The following CPVL variants were observed in gnomAD, a reference collection of about 807,000 sequenced individuals.
CPVL encodes probable serine carboxypeptidase CPVL.
In CPVL, 51 loss-of-function variants were observed where a neutral mutation model predicts 63.7. That is an observed-to-expected ratio of 0.80 (90% CI 0.64 to 1.01). The LOEUF is 1.01. CPVL is among the 50% of genes least tolerant of loss of function. CPVL has a pLI of 0.00. For missense variants in CPVL, 530 were observed against 573.1 expected, an observed-to-expected ratio of 0.92 and a Z score of 0.77; for synonymous variants, 195 against 206.0, an observed-to-expected ratio of 0.95 and a Z score of 0.46.
At chr7:29,061,286 G>C (rs529711839) in intron 11 of CPVL, among the ~76,000 whole-genome samples, 2 of 152,110 alleles carry the variant, frequency 1.3e-5, no homozygotes, top group Non-Finnish European at 2.9e-5. Context: ...GGTGGCATGT[G>C]CCTGTAATCT....
In CPVL at chr7:29,006,224, A is replaced by G. The variant is rs114282542; in HGVS notation, c.1321-10342T>C. Reference sequence around the variant, plus strand: ...TGCGTGAGAGTATTTACACTATGGAAATTGGCAAATACTACAAATCAGTGC... The same window carrying G: ...TGCGTGAGAGTATTTACACTATGGAGATTGGCAAATACTACAAATCAGTGC... On this transcript the variant is annotated intron_variant, in intron 12 of 12. Coordinates refer to ENST00000265394, the MANE Select transcript of CPVL (RefSeq NM_031311.5). Among the ~76,000 whole-genome samples, 1,281 of 152,296 alleles carry G rather than the reference A, an allele frequency of 8.4e-3. 18 individuals are homozygous for G. The highest frequency in any genetic ancestry group is 0.029 in the African/African-American group (1,226 of 41,570).
intron 1 of CPVL, among the ~76,000 whole-genome samples, chr7:29,141,637 C>T (rs1791891088): frequency 6.6e-6 from 1 of 152,064 alleles, no homozygotes; most frequent in Non-Finnish European, 1.5e-5. Flanking sequence ...TGTACCTTGG[C>T]CGGGCGTTGT....
At chr7:29,057,990 T>C (rs1328749435) in intron 11 of CPVL, among the ~76,000 whole-genome samples, 1 of 152,162 alleles carries the variant, frequency 6.6e-6, no homozygotes, top group Non-Finnish European at 1.5e-5. Context: ...TTGTTCAATG[T>C]TGTGTTGGTT....
At chr7:29,090,296 G>A (rs182907527) in intron 6 of CPVL, among the ~76,000 whole-genome samples, 85 of 152,306 alleles carry the variant, frequency 5.6e-4, no homozygotes, top group South Asian at 1.0e-3. Flanking sequence ...GTTGGAACCC[G>A]TGAAGGGAGC....
At chr7:29,139,962 C>G (rs1791679285) in intron 1 of CPVL, among the ~76,000 whole-genome samples, 1 of 152,200 alleles carries the variant, frequency 6.6e-6, no homozygotes, top group African/African-American at 2.4e-5. Flanking sequence ...CCCCTTTTGT[C>G]AAATACAGGG....
intron 7 of CPVL, among the ~76,000 whole-genome samples, chr7:29,083,774 C>A (rs189412211): frequency 1.3e-5 from 2 of 152,258 alleles, no homozygotes; most frequent in Non-Finnish European, 2.9e-5. Context: ...TCACTTGCAA[C>A]CAAGAGCCTT....
intron 1 of CPVL, chr7:29,122,277 C>T (rs979429572): frequency 6.6e-6 from 1 of 152,166 alleles, no homozygotes; most frequent in African/African-American, 2.4e-5. Context: ...GCAGCACGGG[C>T]CAGTGGGAAT....
intron 11 of CPVL, among the ~76,000 whole-genome samples, chr7:29,050,647 T>C (rs317733): frequency 0.073 from 11,095 of 152,116 alleles, 456 homozygotes; most frequent in South Asian, 0.12. Context: ...AGAATCAACA[T>C]TGTGAAAATG....
chr7:29,170,922 C>G (rs995515928), intron 5 of CPVL, among the ~76,000 whole-genome samples: 2 of 152,128 alleles, frequency 1.3e-5, no homozygotes, highest in Admixed American at 1.3e-4. Flanking sequence ...TACTCACTAT[C>G]ACAAGAAAAA....
chr7:29,039,355 A>G (rs895089856), intron 11 of CPVL, among the ~76,000 whole-genome samples: 1 of 152,220 alleles, frequency 6.6e-6, no homozygotes, highest in African/African-American at 2.4e-5. Context: ...AATTTAAGGC[A>G]GATATAAAGC....
intron 2 of CPVL, 25 bp from the exon 3 acceptor site, chr7:29,112,847 C>A: frequency 6.8e-7 from 1 of 1,476,726 alleles, no homozygotes; most frequent in Non-Finnish European, 9.5e-7. Context: ...AAAATTTACC[C>A]AAGGATTACA....
At chr7:29,128,920 A>G (rs1790379906) in intron 1 of CPVL, among the ~76,000 whole-genome samples, 1 of 152,072 alleles carries the variant, frequency 6.6e-6, no homozygotes, top group Non-Finnish European at 1.5e-5. Context: ...CACAGTCAAT[A>G]GGGGAGGGAG....
rs532465393 is a variant in CPVL, at chr7:29,063,460, T to A, written c.1137+601A>T. ...TCTGGCTCTTACACACGGCCAGTCA[T>A]CTTTTTGGCTCTGCAACTCTTCCTT... On this transcript the variant is annotated intron_variant, in intron 11 of 12. Transcript: ENST00000265394. Among the ~76,000 whole-genome samples the A allele has an allele frequency of 3.0e-4, 45 of 152,352 alleles. No homozygotes were observed. The South Asian group carries it at 9.1e-3, about 31-fold the overall frequency.
intron 5 of CPVL, among the ~76,000 whole-genome samples, chr7:29,161,672 A>C (rs927014724): frequency 6.6e-6 from 1 of 152,216 alleles, no homozygotes; most frequent in Non-Finnish European, 1.5e-5. Flanking sequence ...ATCCATTTGA[A>C]TTTAAAAATA....
chr7:29,095,194 C>G, intron 4 of CPVL, 52 bp from the exon 5 acceptor site: 4 of 1,510,462 alleles, frequency 2.6e-6, no homozygotes, highest in Non-Finnish European at 3.7e-6. Context: ...AGCATTCCAC[C>G]GAGGCCTCAT....
intron 2 of CPVL, 107 bp downstream of exon 2, chr7:29,120,786 C>T (rs992652429): frequency 9.0e-5 from 100 of 1,116,656 alleles, no homozygotes; most frequent in Non-Finnish European, 1.2e-4. Context: ...GCGCCACTGA[C>T]CTCCAGCCTA....
chr7:29,126,359 T>A (rs1790023532), intron 1 of CPVL: 3 of 152,208 alleles, frequency 2.0e-5, no homozygotes, highest in Admixed American at 1.3e-4. Context: ...TACCTGCACA[T>A]ACTGGGCTCA....
intron 1 of CPVL, among the ~76,000 whole-genome samples, chr7:29,124,641 T>C (rs1789793580): frequency 6.6e-6 from 1 of 152,076 alleles, no homozygotes; most frequent in Non-Finnish European, 1.5e-5. Context: ...GATAAGTTAC[T>C]ATATACCAAA....
chr7:29,169,604 T>C (rs1413301023), intron 5 of CPVL, among the ~76,000 whole-genome samples: 2 of 152,128 alleles, frequency 1.3e-5, no homozygotes, highest in African/African-American at 4.8e-5. Context: ...AACAGGACCA[T>C]TGGCTTTTTC....
Sources: gnomAD v4.1 joint callset for allele counts (sites outside exome capture counted in the v4.1 genomes callset) on GRCh38, gnomAD v4.1.1 for gene constraint, MANE v1.5 for transcripts, NCBI Gene and HGNC (gene_info 2026-07-23, HGNC 2026-07-21) for gene names.